Variants in GNA15 observed in about 807,000 individuals in gnomAD.
The protein encoded by GNA15 is G protein subunit alpha 15.
In GNA15, 23 loss-of-function variants were observed where a neutral mutation model predicts 40.1. That is an observed-to-expected ratio of 0.57 (90% CI 0.41 to 0.81). The LOEUF is 0.81. GNA15 is among the 40% of genes least tolerant of loss of function. The pLI, the probability that GNA15 is intolerant of heterozygous loss-of-function variation, is 0.00. For missense variants in GNA15, 522 were observed against 515.8 expected (o/e 1.01, Z -0.12); for synonymous variants, 226 against 210.4 (o/e 1.07, Z -0.64).
intron 2 of GNA15, chr19:3,149,742 A>G (rs72983016): frequency 0.079 from 12,962 of 164,836 alleles, 708 homozygotes; most frequent in Non-Finnish European, 0.11. Flanking sequence ...CCTCTGGGGG[A>G]CTTCTGAGGG....
intron 2 of GNA15, chr19:3,149,116 T>TGCACACGTGTGCACACACAC (rs1316182545): frequency 2.3e-5 from 6 of 262,680 alleles, no homozygotes; most frequent in Non-Finnish European, 4.5e-5. Context: ...TGCACACACG[T>TGCACACGTGTGCACACACAC]GCACACGTGT....
chr19:3,147,916 GAAAACA>G (rs1914772623), intron 1 of GNA15, among the ~76,000 whole-genome samples: 1 of 149,276 alleles, frequency 6.7e-6, no homozygotes. Context: ...AAGAGAAAAA[GAAAACA>G]AAAACAAACA....
At position 3,148,646 on chromosome 19, in the gene GNA15, C is replaced by A. The variant is rs759505975; in HGVS notation, c.201C>A (p.Gly67=). 5 of 1,588,838 alleles carry A rather than the reference C, an allele frequency of 3.1e-6. No individual in the cohort carries two copies. In the South Asian group the frequency reaches 3.4e-5, roughly 11 times the overall value. The change falls in exon 2 of 7, where the codon GGC becomes GGA. Residue 67 remains glycine, a synonymous_variant. Transcript: ENST00000262958. ...TFIKQMRIIH[G]AGYSEEERKG... ...TCAAGCAGATGCGGATCATCCACGG[C>A]GCCGGCTACTCGGAGGAGGAGCGCA... is the stretch of plus-strand genomic sequence containing the variant.
Position 3,163,321 on chromosome 19 carries a change from T to C in GNA15, c.*302T>C. On this transcript the variant is annotated 3_prime_UTR_variant, in exon 7 of 7. Coordinates refer to ENST00000262958, the MANE Select transcript of GNA15 (RefSeq NM_002068.4). ...GAAATCAGGGGATTGAGGACTTGGG[T>C]GGGTGGGCATCTCTCAGGAGCCCCA... The C allele has an allele frequency of 2.4e-6, 1 of 423,672 alleles. No individual in the cohort carries two copies. The highest frequency in any genetic ancestry group is 4.4e-6 in the Non-Finnish European group (1 of 228,080). 26.2% of individuals were successfully genotyped at this position (423,672 alleles called of 1,614,324 possible). A position where few individuals can be genotyped will look rare whatever the true frequency, so the allele number is the denominator to read the frequency against.
intron 1 of GNA15, among the ~76,000 whole-genome samples, chr19:3,138,532 C>A (rs1003425836): frequency 6.6e-6 from 1 of 152,222 alleles, no homozygotes; most frequent in East Asian, 1.9e-4. Context: ...GGGAAGAGGC[C>A]GCCCGAGAGG....
chr19:3,156,252 G>T (rs1376081270), intron 5 of GNA15, among the ~76,000 whole-genome samples: 1 of 136,432 alleles, frequency 7.3e-6, no homozygotes, highest in East Asian at 2.2e-4. Context: ...AACACGCACA[G>T]ACACGTGCAT....
chr19:3,142,909 A>T (rs1914611093), intron 1 of GNA15, among the ~76,000 whole-genome samples: 1 of 152,074 alleles, frequency 6.6e-6, no homozygotes, highest in African/African-American at 2.4e-5. Context: ...AAAAAAAGGA[A>T]GAAGAAGATC....
rs145665648 is a variant in GNA15, at chr19:3,157,734, A to G, written c.751A>G (p.Met251Val). The change falls in exon 6 of 7, where the codon ATG (methionine) becomes GTG (valine). Residue 251 changes from methionine (M) to valine (V), a missense_variant. Transcript: ENST00000262958. ...CLEENNQENR[M>V]KESLALFGTI... ...GCTTCTGCCCCCAACACAGAACCGC[A>G]TGAAGGAGAGCCTCGCATTGTTTGG... is the stretch of plus-strand genomic sequence containing the variant. 6.2e-7 allele frequency: 1 copy of G among 1,614,032 alleles called. No homozygotes were observed. Among genetic ancestry groups the G allele is most frequent in the South Asian group, 1.1e-5 (1 of 91,078 alleles).
intron 1 of GNA15, among the ~76,000 whole-genome samples, chr19:3,137,644 T>C (rs1914485647): frequency 6.6e-6 from 1 of 152,070 alleles, no homozygotes; most frequent in Admixed American, 6.6e-5. Flanking sequence ...TAGCCAGATG[T>C]GGTGGTGCGT....
chr19:3,162,939 A>G lies in GNA15; in HGVS notation c.1045A>G (p.Thr349Ala), dbSNP rs752734019. 6.2e-7 allele frequency: 1 copy of G among 1,614,120 alleles called. No homozygotes were observed. Among genetic ancestry groups the G allele is most frequent in the Admixed American group, 1.7e-5 (1 of 60,024 alleles). Residue 349 changes from threonine to alanine, a missense_variant, in exon 7 of 7, where the codon ACA (threonine) becomes GCA (alanine). Physicochemically the swap from Thr to Ala is moderately conservative, Grantham distance 58. Transcript: ENST00000262958. ...CAGCCACTACACATGTGCCACAGAC[A>G]CACAGAACATCCGCAAGGTCTTCAA... ...LFSHYTCATD[T>A]QNIRKVFKDV... is the part of the protein sequence containing the mutation.
chr19:3,136,180 T>G lies in GNA15; in HGVS notation c.-271T>G. 1.6e-5 allele frequency: 6 copies of G among 385,924 alleles called. No individual in the cohort carries two copies. The highest frequency in any genetic ancestry group is 5.8e-5 in the East Asian group (1 of 17,242). The allele number at this position is 385,924 out of a possible 1,614,324, so 23.9% of individuals were successfully genotyped here. A position where few individuals can be genotyped will look rare whatever the true frequency, so the allele number is the denominator to read the frequency against. On this transcript the variant is annotated 5_prime_UTR_variant, in exon 1 of 7. Coordinates refer to ENST00000262958, the MANE Select transcript of GNA15 (RefSeq NM_002068.4). This position sits in a 1 kb window ranked among gnomAD's most constrained non-coding sequence, Gnocchi z 4.9. ...ACCTGTCGGGCCGGGTCTGAGCAGG[T>G]CTGGAGGTGGGCGGGGAGCCCTGGC...
chr19:3,141,096 C>T (rs1338954404), intron 1 of GNA15, among the ~76,000 whole-genome samples: 2 of 142,540 alleles, frequency 1.4e-5, no homozygotes, highest in Non-Finnish European at 3.2e-5. Context: ...GCAAAAAGGA[C>T]CAGGGTGGGG....
At chr19:3,137,773 G>A (rs985616062) in intron 1 of GNA15, among the ~76,000 whole-genome samples, 6 of 150,452 alleles carry the variant, frequency 4.0e-5, no homozygotes, top group African/African-American at 1.2e-4. Flanking sequence ...AGAGTGAGAC[G>A]CCATCTCAAA....
In GNA15 at chr19:3,151,492, C is replaced by T. The variant is rs929609312; in HGVS notation, c.486-215C>T. On this transcript the variant is annotated intron_variant, in intron 3 of 6. Coordinates refer to ENST00000262958, the MANE Select transcript of GNA15 (RefSeq NM_002068.4). This position sits in a 1 kb window ranked among gnomAD's most constrained non-coding sequence, Gnocchi z 5.0. ...CCATTCCTCATGTCACGCCATCCCT[C>T]GGGTCACCCTGCTCTGCGTGTGAAG... is the stretch of plus-strand genomic sequence containing the variant. Among the ~76,000 whole-genome samples, 31 of 152,162 alleles carry T rather than the reference C, an allele frequency of 2.0e-4. No individual in the cohort carries two copies. The highest frequency in any genetic ancestry group is 6.3e-4 in the African/African-American group (26 of 41,434).
intron 2 of GNA15, 63 bp downstream of exon 2, chr19:3,148,838 C>T (rs931309578): frequency 5.5e-6 from 8 of 1,466,924 alleles, no homozygotes; most frequent in Non-Finnish European, 7.3e-6. Context: ...GTTCCCCAGA[C>T]CCCGGAGCAG....
At chr19:3,137,047 G>T (rs1914475577) in intron 1 of GNA15, among the ~76,000 whole-genome samples, 1 of 152,202 alleles carries the variant, frequency 6.6e-6, no homozygotes, top group East Asian at 1.9e-4. Flanking sequence ...GGCTGGAGAG[G>T]GCTTGTCTAG....
At chr19:3,162,675 A>G (rs1209430072) in intron 6 of GNA15, 118 bp from the exon 7 acceptor site, 7 of 653,588 alleles carry the variant, frequency 1.1e-5, no homozygotes, top group South Asian at 3.6e-5. Flanking sequence ...ACGCACAGAA[A>G]AATGACAGGC....
chr19:3,145,360 T>TATATA (rs1555705683), intron 1 of GNA15, among the ~76,000 whole-genome samples: 144 of 21,546 alleles, frequency 6.7e-3, no homozygotes, highest in East Asian at 0.019. Flanking sequence ...TATATATATA[T>TATATA]TTTTTTTTTT....
chr19:3,156,096 G>T, intron 5 of GNA15, 144 bp downstream of exon 5: 2 of 755,842 alleles, frequency 2.6e-6, no homozygotes, highest in Non-Finnish European at 2.1e-6. Flanking sequence ...TGACCCTTCA[G>T]CCTTTTGTGG....
Sources: gnomAD v4.1 joint callset for allele counts (sites outside exome capture counted in the v4.1 genomes callset) on GRCh38, gnomAD v4.1.1 for gene constraint, Gnocchi (gnomAD v3.1) non-coding constraint, MANE v1.5 for transcripts, NCBI Gene and HGNC (gene_info 2026-07-23, HGNC 2026-07-21) for gene names.